Variants in LPAR3 observed in about 807,000 individuals in gnomAD.
LPAR3 encodes lysophosphatidic acid receptor 3.
In LPAR3, 7 loss-of-function variants were observed where a neutral mutation model predicts 17.8. The ratio of observed to expected loss-of-function variants is 0.39; its 90% CI spans 0.22 to 0.74. The LOEUF (loss-of-function observed/expected upper bound fraction) is 0.74. Ranked by LOEUF, LPAR3 falls within the 30% of genes least tolerant of loss-of-function variation. The pLI is 0.40. For missense variants in LPAR3, 391 were observed against 453.4 expected, an observed-to-expected ratio of 0.86 and a Z score of 1.25; for synonymous variants, 179 against 179.9, an observed-to-expected ratio of 0.99 and a Z score of 0.04.
chr1:84,839,410 A>G (rs1213797794), intron 2 of LPAR3, among the ~76,000 whole-genome samples: 5 of 152,216 alleles, frequency 3.3e-5, no homozygotes, highest in Non-Finnish European at 7.3e-5. Flanking sequence ...ACAGTAGCTC[A>G]TGGCTGTAAT....
intron 1 of LPAR3, among the ~76,000 whole-genome samples, chr1:84,875,288 T>C (rs940393960): frequency 3.3e-5 from 5 of 152,248 alleles, no homozygotes; most frequent in Admixed American, 2.6e-4. Flanking sequence ...AAAAATATAT[T>C]TTGAGACATT....
chr1:84,869,693 T>C lies in LPAR3; in HGVS notation c.-18-3555A>G, dbSNP rs72942465. 5.6e-3 allele frequency among the ~76,000 whole-genome samples: 846 copies of C among 152,316 alleles called. 10 individuals are homozygous for C. Among genetic ancestry groups the C allele is most frequent in the African/African-American group, 0.019 (786 of 41,570 alleles). On this transcript the variant is annotated intron_variant, in intron 1 of 2. Transcript: ENST00000370611. ...TTTCTAATTTTTTCCATCTACCACA[T>C]TTTCTGTAATAAGTAAATCAAGACT...
chr1:84,843,184 T>G (rs1192234870), intron 2 of LPAR3, among the ~76,000 whole-genome samples: 4 of 152,214 alleles, frequency 2.6e-5, no homozygotes, highest in Non-Finnish European at 4.4e-5. Context: ...GTCTTCACCT[T>G]CACATTTAAA....
intron 2 of LPAR3, among the ~76,000 whole-genome samples, chr1:84,828,358 T>A (rs1169546244): frequency 6.6e-6 from 1 of 152,228 alleles, no homozygotes; most frequent in African/African-American, 2.4e-5. Context: ...GCATTCAAAT[T>A]CTATTGAAAT....
Position 84,814,079 on chromosome 1 carries a change from A to G in LPAR3, c.829T>C (p.Trp277Arg), listed in dbSNP as rs1227422025. ...TTGAGCAGCGCCAGCAGCAGGAACC[A>G]CCTTTTCACATGCTGCACGCCACAC... ...RQCGVQHVKR[W>R]FLLLALLNSV... is the part of the protein sequence containing the mutation. The change falls in exon 3 of 3, where the codon TGG becomes CGG. Residue 277 changes from tryptophan (W) to arginine (R), a missense_variant. By Grantham distance (101) the Trp-to-Arg change is moderately radical (BLOSUM62 -3). Transcript: ENST00000370611. The G allele has an allele frequency of 6.2e-7, 1 of 1,613,940 alleles. No homozygotes were observed. The highest frequency in any genetic ancestry group is 1.3e-5 in the African/African-American group (1 of 74,868).
chr1:84,880,683 C>T (rs2102772026), intron 1 of LPAR3, among the ~76,000 whole-genome samples: 1 of 152,298 alleles, frequency 6.6e-6, no homozygotes, highest in East Asian at 1.9e-4. Context: ...GATGCGGTAA[C>T]TGACCTGTGG....
intron 2 of LPAR3, among the ~76,000 whole-genome samples, chr1:84,860,991 G>A (rs1003885324): frequency 2.8e-4 from 43 of 152,100 alleles, no homozygotes; most frequent in African/African-American, 8.7e-4. Context: ...CGCCCGCCTC[G>A]GCCTCCCAGA....
chr1:84,840,097 A>AT (rs2102754085), intron 2 of LPAR3, among the ~76,000 whole-genome samples: 1 of 151,548 alleles, frequency 6.6e-6, no homozygotes, highest in Admixed American at 6.6e-5. Context: ...TTATTTATTT[A>AT]TTTATTTGTA....
intron 2 of LPAR3, among the ~76,000 whole-genome samples, chr1:84,856,140 T>G (rs557758282): frequency 4.6e-5 from 7 of 152,288 alleles, no homozygotes; most frequent in Admixed American, 1.3e-4. Context: ...CTCCCTCCCA[T>G]AGGCCTCTGT....
chr1:84,890,143 A>C (rs536961702), intron 1 of LPAR3, among the ~76,000 whole-genome samples: 1 of 152,228 alleles, frequency 6.6e-6, no homozygotes, highest in Admixed American at 6.5e-5. Flanking sequence ...ACTCCTCCAC[A>C]AATACAGAAT....
chr1:84,862,067 G>C (rs1467550851), intron 2 of LPAR3, among the ~76,000 whole-genome samples: 1 of 152,244 alleles, frequency 6.6e-6, no homozygotes, highest in South Asian at 2.1e-4. Context: ...ATAATATGAT[G>C]AGAAAAGAAA....
intron 1 of LPAR3, among the ~76,000 whole-genome samples, chr1:84,877,867 A>T (rs12032600): frequency 0.089 from 13,620 of 152,222 alleles, 785 homozygotes; most frequent in Admixed American, 0.2. Flanking sequence ...AGTGGCATGT[A>T]GTAAGTAGAT....
chr1:84,836,328 A>G lies in LPAR3; in HGVS notation c.737-22157T>C, dbSNP rs1369401686. ...ACTCCAGCCTGGGCGATACAATGAG[A>G]TCCTGTCTTTAAAAAAAAAAAAAAA... On this transcript the variant is annotated intron_variant, in intron 2 of 2. Transcript: ENST00000370611. Among the ~76,000 whole-genome samples the G allele has an allele frequency of 4.2e-5, 5 of 120,262 alleles. No individual in the cohort carries two copies. The East Asian group carries it at 1.2e-3, about 29-fold the overall frequency. The allele number at this position is 120,262 out of a possible 152,430, so 78.9% of individuals were successfully genotyped here. A position where few individuals can be genotyped will look rare whatever the true frequency, so the allele number is the denominator to read the frequency against.
At chr1:84,889,236 T>A (rs540136337) in intron 1 of LPAR3, among the ~76,000 whole-genome samples, 16 of 152,208 alleles carry the variant, frequency 1.1e-4, no homozygotes, top group African/African-American at 3.6e-4. Context: ...CCAGGACAGG[T>A]AGAGAGCAAC....
chr1:84,814,219 T>C (rs41289035), intron 2 of LPAR3, 48 bp from the exon 3 acceptor site: 16,463 of 1,499,220 alleles, frequency 0.011, 119 homozygotes, highest in Middle Eastern at 0.023. Flanking sequence ...CTTAGGGGAC[T>C]TATTCAGGTT....
chr1:84,868,114 AT>A (rs113668388), intron 1 of LPAR3, among the ~76,000 whole-genome samples: 16,541 of 148,856 alleles, frequency 0.11, 1,211 homozygotes, highest in Admixed American at 0.22. Flanking sequence ...GAGAGATAGC[AT>A]TTTTTTTTTT....
At chr1:84,856,597 T>C (rs1174274101) in intron 2 of LPAR3, among the ~76,000 whole-genome samples, 1 of 152,110 alleles carries the variant, frequency 6.6e-6, no homozygotes, top group African/African-American at 2.4e-5. Flanking sequence ...AGTTCATCGA[T>C]GAAGCTTATG....
intron 2 of LPAR3, among the ~76,000 whole-genome samples, chr1:84,850,565 G>A (rs949502129): frequency 2.0e-5 from 3 of 152,146 alleles, no homozygotes; most frequent in Non-Finnish European, 1.5e-5. Flanking sequence ...CTCCAGCCTC[G>A]GTGACAGAGC....
chr1:84,866,590 A>G (rs902813517), intron 1 of LPAR3, among the ~76,000 whole-genome samples: 3 of 152,204 alleles, frequency 2.0e-5, no homozygotes, highest in African/African-American at 4.8e-5. Context: ...CCTGGCTCCC[A>G]GTTCATTAGT....
Sources: gnomAD v4.1 joint callset for allele counts (sites outside exome capture counted in the v4.1 genomes callset) on GRCh38, gnomAD v4.1.1 for gene constraint, MANE v1.5 for transcripts, NCBI Gene and HGNC (gene_info 2026-07-23, HGNC 2026-07-21) for gene names.